Variants in STK39 observed in about 807,000 individuals in gnomAD.
STK39 encodes STE20/SPS1-related proline-alanine-rich protein kinase.
STK39 carries 20 observed loss-of-function variants against 77.8 expected under a neutral mutation model. That is an observed-to-expected ratio of 0.26 (90% confidence interval 0.18 to 0.37). The LOEUF is 0.37. Among genes scored for constraint, STK39 ranks in the 10% least tolerant of loss-of-function variants. STK39 has a pLI of 1.00. For synonymous variants in STK39, 246 were observed against 234.1 expected, an observed-to-expected ratio of 1.05 and a Z score of -0.47; for missense variants, 479 against 656.5, an observed-to-expected ratio of 0.73 and a Z score of 2.95.
chr2:168,220,270 A>G (rs1035763448), intron 1 of STK39, among the ~76,000 whole-genome samples: 1 of 152,134 alleles, frequency 6.6e-6, no homozygotes, highest in East Asian at 1.9e-4. Context: ...AAAGCTGAGA[A>G]CTTCTCTGCT....
intron 1 of STK39, among the ~76,000 whole-genome samples, chr2:168,215,968 A>G (rs1231964583): frequency 1.3e-5 from 2 of 152,164 alleles, no homozygotes; most frequent in African/African-American, 4.8e-5. Flanking sequence ...TAGCATCTCT[A>G]AGGACTGGGC....
intron 10 of STK39, among the ~76,000 whole-genome samples, chr2:168,111,108 T>G (rs1367766813): frequency 6.6e-6 from 1 of 152,158 alleles, no homozygotes; most frequent in Admixed American, 6.5e-5. Flanking sequence ...TCTTAAAATT[T>G]ATCCATCTTG....
At chr2:168,227,961 C>T (rs1251437465) in intron 1 of STK39, among the ~76,000 whole-genome samples, 3 of 152,032 alleles carry the variant, frequency 2.0e-5, no homozygotes, top group Non-Finnish European at 4.4e-5. Context: ...CTGGCCAAAA[C>T]GATTTTTCTA....
intron 16 of STK39, among the ~76,000 whole-genome samples, chr2:167,989,566 C>G (rs1413329761): frequency 6.6e-6 from 1 of 152,086 alleles, no homozygotes; most frequent in African/African-American, 2.4e-5. Context: ...GACAGCCAGA[C>G]AGCAGTGGGT....
intron 16 of STK39, among the ~76,000 whole-genome samples, chr2:167,999,760 C>T (rs1045580926): frequency 2.0e-5 from 3 of 152,142 alleles, no homozygotes; most frequent in African/African-American, 7.2e-5. Context: ...CTGCGCCCGG[C>T]CCGAGATGCT....
At chr2:168,032,437 C>G (rs1200054415) in intron 14 of STK39, among the ~76,000 whole-genome samples, 1 of 152,174 alleles carries the variant, frequency 6.6e-6, no homozygotes, top group Non-Finnish European at 1.5e-5. Flanking sequence ...AATGTGTTTT[C>G]CATACCTAAG....
In STK39 at chr2:168,065,371, C is replaced by T. The variant is rs1685766887; in HGVS notation, c.1253G>A (p.Ser418Asn). 6.2e-7 allele frequency: 1 copy of T among 1,614,052 alleles called. No homozygotes were observed. ...TATTTGTTCGGGGATGGTGCTGGCA[C>T]TCACTGCAATCTGTTACGAGAGCCA... is the stretch of plus-strand genomic sequence containing the variant. ...VKEENPEIAV[S>N]ASTIPEQIQS... The change falls in exon 13 of 18, where the codon AGT becomes AAT. Residue 418 changes from serine to asparagine, a missense_variant. Physicochemically the swap from Ser to Asn is conservative, Grantham distance 46. Around this residue, in one of 3 missense-constraint regions of STK39, gnomAD observed 244 missense variants for 296.8 expected, o/e 0.82. Transcript: ENST00000355999.
At chr2:168,139,061 T>C (rs1687909304) in intron 7 of STK39, among the ~76,000 whole-genome samples, 1 of 152,114 alleles carries the variant, frequency 6.6e-6, no homozygotes, top group African/African-American at 2.4e-5. Flanking sequence ...GATGTGTGAA[T>C]AGATGAAGCG....
intron 4 of STK39, among the ~76,000 whole-genome samples, chr2:168,163,071 T>C (rs1345990166): frequency 6.6e-6 from 1 of 151,724 alleles, no homozygotes; most frequent in East Asian, 1.9e-4. Flanking sequence ...TAATTAAATA[T>C]AAATTTCAGG....
chr2:168,185,262 T>C (rs114337823), intron 1 of STK39, among the ~76,000 whole-genome samples: 1 of 152,224 alleles, frequency 6.6e-6, no homozygotes, highest in Non-Finnish European at 1.5e-5. Flanking sequence ...TCAAGTGCAA[T>C]AAATCATTCA....
intron 12 of STK39, among the ~76,000 whole-genome samples, chr2:168,073,210 A>G (rs1559083682): frequency 6.6e-6 from 1 of 152,260 alleles, no homozygotes; most frequent in Non-Finnish European, 1.5e-5. Context: ...TTCTCCAAAT[A>G]ACAAATCAGC....
chr2:168,012,231 G>C (rs1684287602), intron 16 of STK39, among the ~76,000 whole-genome samples: 1 of 151,482 alleles, frequency 6.6e-6, no homozygotes, highest in African/African-American at 2.4e-5. Context: ...GTTGTGCAAT[G>C]GCGTGATCTC....
At chr2:168,186,664 A>G (rs1689216529) in intron 1 of STK39, among the ~76,000 whole-genome samples, 1 of 152,228 alleles carries the variant, frequency 6.6e-6, no homozygotes, top group South Asian at 2.1e-4. Context: ...TACACCTTTA[A>G]GGCTTCATAA....
intron 1 of STK39, among the ~76,000 whole-genome samples, chr2:168,235,039 A>ATTT (rs556244576): frequency 7.1e-6 from 1 of 141,044 alleles, no homozygotes; most frequent in African/African-American, 2.6e-5. Context: ...TGAGTCAATA[A>ATTT]TTTTTTTTTT....
chr2:168,048,976 A>G (rs1006997930), intron 14 of STK39, among the ~76,000 whole-genome samples: 11 of 152,220 alleles, frequency 7.2e-5, no homozygotes, highest in Non-Finnish European at 1.5e-4. Flanking sequence ...GCCTAATGCT[A>G]TTGACGAGAT....
At chr2:167,983,453 CA>C (rs761596679) in intron 16 of STK39, among the ~76,000 whole-genome samples, 8,588 of 91,996 alleles carry the variant, frequency 0.093, 513 homozygotes, top group East Asian at 0.23. Context: ...AAACTCCATC[CA>C]AAAAAAAAAA....
intron 1 of STK39, among the ~76,000 whole-genome samples, chr2:168,215,562 T>C (rs1055359329): frequency 3.9e-5 from 6 of 152,186 alleles, no homozygotes; most frequent in Non-Finnish European, 7.4e-5. Context: ...ATCCCAAACA[T>C]CAACATGTCA....
chr2:168,090,505 C>G (rs901208743), intron 10 of STK39, among the ~76,000 whole-genome samples: 7 of 152,162 alleles, frequency 4.6e-5, no homozygotes, highest in African/African-American at 7.2e-5. Flanking sequence ...TTTCTGAAAC[C>G]CTTTAGTTCC....
chr2:167,956,667 G>GACACACACACACACACACAC lies in STK39; in HGVS notation c.1564-1117_1564-1098dup, dbSNP rs762455680. 4.5e-3 allele frequency among the ~76,000 whole-genome samples: 216 copies of GACACACACACACACACACAC among 47,866 alleles called. 18 individuals carry two copies. The highest frequency in any genetic ancestry group is 9.8e-3 in the African/African-American group (79 of 8,054). The allele number at this position is 47,866 out of a possible 152,430, so 31.4% of individuals were successfully genotyped here. On this transcript the variant is annotated intron_variant, in intron 17 of 17. Transcript: ENST00000355999. ...GACCTCTCCCCCTTGCTTGCTTTTAGACACACACACACACACACACACACA... is the reference window on the plus strand; with the variant it reads ...GACCTCTCCCCCTTGCTTGCTTTTAGACACACACACACACACACACACACACACACACACACACACACACA...
Sources: allele counts gnomAD v4.1 joint callset (sites outside exome capture counted in the v4.1 genomes callset), GRCh38; gene constraint gnomAD v4.1.1; regional missense constraint gnomAD v4.1.1; transcripts MANE v1.5; gene names NCBI Gene and HGNC (gene_info 2026-07-23, HGNC 2026-07-21).